KCNQ5: variants seen among roughly 807,000 people sequenced by gnomAD.
The protein encoded by KCNQ5 is potassium voltage-gated channel subfamily Q member 5.
Under a neutral mutation model 98.2 loss-of-function variants are expected in KCNQ5, and 30 were observed. The ratio of observed to expected loss-of-function variants is 0.31; its 90% confidence interval spans 0.23 to 0.41. The LOEUF (loss-of-function observed/expected upper bound fraction) is 0.41. Among genes scored for constraint, KCNQ5 ranks in the 10% least tolerant of loss-of-function variants. KCNQ5 has a pLI of 1.00. For missense variants in KCNQ5, 835 were observed against 1,182.5 expected, an observed-to-expected ratio of 0.71 and a Z score of 4.31; for synonymous variants, 458 against 449.4, an observed-to-expected ratio of 1.02 and a Z score of -0.24.
Position 72,870,851 on chromosome 6 carries a change from A to C in KCNQ5, c.399-133057A>C, listed in dbSNP as rs143597248. Among the ~76,000 whole-genome samples the C allele has an allele frequency of 8.3e-3, 1,266 of 152,320 alleles. 14 individuals carry two copies. Among genetic ancestry groups the C allele is most frequent in the African/African-American group, 0.027 (1,120 of 41,566 alleles). On this transcript the variant is annotated intron_variant, in intron 1 of 13. Transcript: ENST00000370398. ...CATCATGATAACTATAATTTATACT[A>C]TATATGTGGTACATAGGCTTTTAAA...
intron 3 of KCNQ5, among the ~76,000 whole-genome samples, chr6:73,051,705 C>CAAAAAAAAAAAAAAAAAAAAAAAAAAAAA (rs201199934): frequency 3.1e-5 from 3 of 97,178 alleles, no homozygotes; most frequent in Admixed American, 1.1e-4. Flanking sequence ...AAGATAGAGG[C>CAAAAAAAAAAAAAAAAAAAAAAAAAAAAA]AAAAAAAAAA....
intron 1 of KCNQ5, among the ~76,000 whole-genome samples, chr6:72,766,978 G>A (rs2154477261): frequency 6.6e-6 from 1 of 152,112 alleles, no homozygotes; most frequent in East Asian, 1.9e-4. Flanking sequence ...GAAAAGAGGA[G>A]ATGAGGAGAA....
intron 1 of KCNQ5, among the ~76,000 whole-genome samples, chr6:72,983,565 C>T (rs1228809241): frequency 6.6e-6 from 1 of 152,084 alleles, no homozygotes; most frequent in Non-Finnish European, 1.5e-5. Context: ...TCTAGTTAAC[C>T]ATTCATCTAA....
At chr6:73,161,110 T>G (rs1054100278) in intron 10 of KCNQ5, among the ~76,000 whole-genome samples, 19 of 152,196 alleles carry the variant, frequency 1.2e-4, no homozygotes, top group African/African-American at 4.1e-4. Context: ...AGATACACAA[T>G]GAAATATTAT....
In KCNQ5 at chr6:73,129,938, G is replaced by A. The variant is rs1291067889; in HGVS notation, c.1248-3483G>A. The stretch of plus-strand genomic sequence containing the variant: ...CAGGTTACACCGCCACCCCACCTGA[G>A]CCCTGTTCAGAGACTCACTCTTTCT... On this transcript the variant is annotated intron_variant, in intron 9 of 13. Transcript: ENST00000370398. The A allele has an allele frequency of 7.0e-6, 7 of 1,002,320 alleles. No homozygotes were observed. The Admixed American group carries it at 1.2e-4, about 18-fold the overall frequency. 62.1% of individuals were successfully genotyped at this position (1,002,320 alleles called of 1,614,324 possible).
chr6:72,850,323 G>A (rs1320511804), intron 1 of KCNQ5, among the ~76,000 whole-genome samples: 1 of 152,132 alleles, frequency 6.6e-6, no homozygotes, highest in African/African-American at 2.4e-5. Flanking sequence ...TGCACAGTTG[G>A]CACGATCTAT....
In KCNQ5 at chr6:72,622,172, G is replaced by A; in HGVS notation, c.-18G>A. The A allele has an allele frequency of 8.2e-7, 1 of 1,219,262 alleles. No individual in the cohort carries two copies. 75.5% of individuals were successfully genotyped at this position (1,219,262 alleles called of 1,614,324 possible). A position where few individuals can be genotyped will look rare whatever the true frequency, so the allele number is the denominator to read the frequency against. Reference sequence around the variant, plus strand: ...CCGCAGGCGCTGGCGGCCCCCTCGCGGTGCCCGTGGTGATGCCATGCCCCG... The same window carrying A: ...CCGCAGGCGCTGGCGGCCCCCTCGCAGTGCCCGTGGTGATGCCATGCCCCG... On this transcript the variant is annotated 5_prime_UTR_variant, in exon 1 of 14. Transcript: ENST00000370398. The surrounding 1 kb of genome is among the most constrained non-coding windows in gnomAD (Gnocchi z 6.0).
At chr6:72,814,620 T>C (rs1196795058) in intron 1 of KCNQ5, among the ~76,000 whole-genome samples, 1 of 152,202 alleles carries the variant, frequency 6.6e-6, no homozygotes, top group Non-Finnish European at 1.5e-5. Flanking sequence ...ATGCTCTTTG[T>C]TTCTGTGTCA....
intron 1 of KCNQ5, among the ~76,000 whole-genome samples, chr6:72,924,843 G>T (rs1780557732): frequency 6.6e-6 from 1 of 152,046 alleles, no homozygotes; most frequent in Non-Finnish European, 1.5e-5. Flanking sequence ...AGATAGTGAG[G>T]GACCTCTGGC....
intron 1 of KCNQ5, among the ~76,000 whole-genome samples, chr6:72,833,911 T>C (rs1476056012): frequency 6.6e-6 from 1 of 152,040 alleles, no homozygotes; most frequent in Non-Finnish European, 1.5e-5. Flanking sequence ...CTCAAAAATA[T>C]AAGGTTGGAT....
intron 1 of KCNQ5, among the ~76,000 whole-genome samples, chr6:72,932,244 ATG>A (rs965906926): frequency 3.3e-5 from 5 of 151,746 alleles, no homozygotes; most frequent in African/African-American, 4.8e-5. Flanking sequence ...CATGGAAAAT[ATG>A]TGTGTTTGTG....
rs755874257 is a variant in KCNQ5 at position 73,032,356 on chromosome 6, C to A, written c.490-9580C>A. On this transcript the variant is annotated intron_variant, in intron 2 of 13. Coordinates refer to ENST00000370398, the MANE Select transcript of KCNQ5 (RefSeq NM_019842.4). ...CCAATTTTTGTATTTTTAGTAGAGA[C>A]CGGATTTCACCATGTTAACCAGGCT... 6.6e-5 allele frequency among the ~76,000 whole-genome samples: 10 copies of A among 152,066 alleles called. 1 individual carries two copies. Among genetic ancestry groups the A allele is most frequent in the Non-Finnish European group, 1.2e-4 (8 of 68,006 alleles).
chr6:72,721,909 G>A (rs1001447997), intron 1 of KCNQ5, among the ~76,000 whole-genome samples: 1 of 152,152 alleles, frequency 6.6e-6, no homozygotes, highest in Non-Finnish European at 1.5e-5. Context: ...TCTGGGAATA[G>A]GGTACCTTAT....
chr6:72,983,992 C>A (rs1433836420), intron 1 of KCNQ5, among the ~76,000 whole-genome samples: 1 of 152,180 alleles, frequency 6.6e-6, no homozygotes, highest in Non-Finnish European at 1.5e-5. Context: ...CACTCCAGAC[C>A]CTGTTTTCCT....
At chr6:72,685,384 G>T (rs73535771) in intron 1 of KCNQ5, among the ~76,000 whole-genome samples, 7 of 152,094 alleles carry the variant, frequency 4.6e-5, no homozygotes, top group African/African-American at 1.7e-4. Flanking sequence ...CACTGGTTTT[G>T]TTCCTTTTCT....
At chr6:72,663,802 C>A (rs1449973913) in intron 1 of KCNQ5, among the ~76,000 whole-genome samples, 1 of 151,876 alleles carries the variant, frequency 6.6e-6, no homozygotes, top group Non-Finnish European at 1.5e-5. Flanking sequence ...AAAATATATT[C>A]TTTAAAAAAA....
chr6:73,104,412 A>G (rs984765466), intron 5 of KCNQ5, among the ~76,000 whole-genome samples: 3 of 152,210 alleles, frequency 2.0e-5, no homozygotes, highest in African/African-American at 7.2e-5. Flanking sequence ...AGACCTGTAC[A>G]CAGTAGTCTA....
intron 1 of KCNQ5, among the ~76,000 whole-genome samples, chr6:72,995,308 C>T (rs1769238363): frequency 6.8e-6 from 1 of 146,190 alleles, no homozygotes; most frequent in Non-Finnish European, 1.5e-5. Context: ...GTGGACTTTG[C>T]AGTGAGCTGA....
chr6:73,080,743 C>T (rs1333481452), intron 5 of KCNQ5, among the ~76,000 whole-genome samples: 1 of 151,932 alleles, frequency 6.6e-6, no homozygotes, highest in Non-Finnish European at 1.5e-5. Flanking sequence ...AAAGGAAATC[C>T]CCTATATTAA....
Sources: allele counts gnomAD v4.1 joint callset (sites outside exome capture counted in the v4.1 genomes callset), GRCh38; gene constraint gnomAD v4.1.1; non-coding constraint Gnocchi (gnomAD v3.1); transcripts MANE v1.5; gene names NCBI Gene and HGNC (gene_info 2026-07-23, HGNC 2026-07-21).